The following TENM2 variants were observed in gnomAD, a reference collection of about 807,000 sequenced individuals.
The protein encoded by TENM2 is teneurin-2.
TENM2 carries 52 observed loss-of-function variants against 245.2 expected under a neutral mutation model. The ratio of observed to expected loss-of-function variants is 0.21; its 90% confidence interval spans 0.17 to 0.27. TENM2 has a LOEUF of 0.27. Ranked by LOEUF, TENM2 falls within the 10% of genes least tolerant of loss-of-function variation. TENM2 has a pLI of 1.00. For synonymous variants in TENM2, 1,363 were observed against 1,438.9 expected (o/e 0.95, Z 1.19); for missense variants, 3,046 against 3,666.8 (o/e 0.83, Z 4.37).
chr5:167,706,086 A>T (rs1220827607), intron 2 of TENM2, among the ~76,000 whole-genome samples: 1 of 145,434 alleles, frequency 6.9e-6, no homozygotes, highest in South Asian at 2.1e-4. Flanking sequence ...CAGTGTGTGT[A>T]TATATATAAT....
At chr5:168,039,917 C>T (rs976081093) in intron 5 of TENM2, among the ~76,000 whole-genome samples, 1 of 152,012 alleles carries the variant, frequency 6.6e-6, no homozygotes, top group Admixed American at 6.6e-5. Context: ...CGCTGCCAGT[C>T]GGGGAGCCCC....
At chr5:167,425,772 G>A (rs1211628970) in intron 2 of TENM2, among the ~76,000 whole-genome samples, 2 of 152,296 alleles carry the variant, frequency 1.3e-5, no homozygotes, top group Non-Finnish European at 2.9e-5. Flanking sequence ...TGATGATGAT[G>A]ATGATGGTGA....
At chr5:167,236,181 G>T in the TENM2 span, among the ~76,000 whole-genome samples, 1 of 152,078 alleles carries the variant, frequency 6.6e-6, no homozygotes, top group East Asian at 1.9e-4. Flanking sequence ...GTCTAAATGA[G>T]CCATGGGAGC....
the TENM2 span, among the ~76,000 whole-genome samples, chr5:167,265,701 T>C: frequency 1.6e-3 from 239 of 152,276 alleles, no homozygotes; most frequent in African/African-American, 5.1e-3. Context: ...TGTCTTCTTA[T>C]GCTGCAAACT....
chr5:167,637,253 T>C (rs373225103), intron 2 of TENM2, among the ~76,000 whole-genome samples: 100 of 152,312 alleles, frequency 6.6e-4, no homozygotes, highest in African/African-American at 2.3e-3. Flanking sequence ...AAGAGAATTA[T>C]TTACATATTA....
At chr5:167,957,266 A>T (rs1780633936) in intron 4 of TENM2, among the ~76,000 whole-genome samples, 2 of 151,956 alleles carry the variant, frequency 1.3e-5, no homozygotes, top group Admixed American at 6.6e-5. Context: ...TTGCATAGAG[A>T]TGTTTATAGT....
chr5:168,135,636 T>C (rs1010961555), intron 12 of TENM2, among the ~76,000 whole-genome samples: 12 of 152,160 alleles, frequency 7.9e-5, no homozygotes, highest in Non-Finnish European at 1.8e-4. Flanking sequence ...AATTTAAGTA[T>C]TTCATCATAA....
chr5:168,107,557 G>A (rs13159622), intron 9 of TENM2, among the ~76,000 whole-genome samples: 10 of 64,872 alleles, frequency 1.5e-4, no homozygotes, highest in African/African-American at 5.3e-4. Context: ...AAGCCTCCTG[G>A]GGGGGGGGTC....
intron 4 of TENM2, among the ~76,000 whole-genome samples, chr5:167,977,606 A>G (rs1435324016): frequency 6.6e-6 from 1 of 152,166 alleles, no homozygotes; most frequent in Non-Finnish European, 1.5e-5. Flanking sequence ...TCTTTCTACT[A>G]CTGCTGCCAC....
At chr5:168,211,660 G>A (rs1187416512) in intron 19 of TENM2, 74 bp from the exon 22 acceptor site, 13 of 1,000,296 alleles carry the variant, frequency 1.3e-5, no homozygotes, top group Non-Finnish European at 1.8e-5. Context: ...AAACAAAAAT[G>A]TTATGTTTGC....
intron 2 of TENM2, among the ~76,000 whole-genome samples, chr5:167,737,664 C>T (rs1760895012): frequency 6.6e-6 from 1 of 152,144 alleles, no homozygotes; most frequent in Admixed American, 6.5e-5. Flanking sequence ...CAAGGCTCTA[C>T]ATAATTAAGA....
chr5:167,974,091 G>A (rs867983213), intron 4 of TENM2, among the ~76,000 whole-genome samples: 2 of 6,148 alleles, frequency 3.3e-4, no homozygotes, highest in African/African-American at 8.1e-4. Flanking sequence ...GGAAGGAAGG[G>A]AAGGAAGGAA....
At chr5:167,992,462 G>A (rs1783738705) in intron 4 of TENM2, among the ~76,000 whole-genome samples, 1 of 152,154 alleles carries the variant, frequency 6.6e-6, no homozygotes, top group South Asian at 2.1e-4. Context: ...TTTCATGGTT[G>A]CATAATATTC....
chr5:167,952,864 C>T, intron 4 of TENM2, 42 bp downstream of exon 6: 2 of 1,497,126 alleles, frequency 1.3e-6, no homozygotes, highest in Non-Finnish European at 9.1e-7. Flanking sequence ...TCAGTGTCAC[C>T]TTACCCCTGA....
rs753863006 is a variant in TENM2 at position 167,875,961 on chromosome 5, T to C, written c.503-25T>C. 9 of 1,530,010 alleles carry C rather than the reference T, an allele frequency of 5.9e-6. No homozygotes were observed. The African/African-American group carries it at 6.9e-5, about 12-fold the overall frequency. 94.8% of individuals were successfully genotyped at this position (1,530,010 alleles called of 1,614,324 possible). A position where few individuals can be genotyped will look rare whatever the true frequency, so the allele number is the denominator to read the frequency against. ...CTCTCGTGACACTCATTGCTGACCT[T>C]TGACCCCTCTGTCCTCTTTCCCAGG... On this transcript the variant is annotated intron_variant, in intron 2 of 28. Coordinates refer to ENST00000518659, the Ensembl canonical transcript of TENM2.
At chr5:167,523,989 G>C (rs991079029) in intron 2 of TENM2, among the ~76,000 whole-genome samples, 1 of 152,078 alleles carries the variant, frequency 6.6e-6, no homozygotes, top group East Asian at 1.9e-4. Context: ...GGAGATAATG[G>C]TACCCCAGGT....
intron 2 of TENM2, among the ~76,000 whole-genome samples, chr5:167,635,737 C>T (rs1035805056): frequency 1.3e-5 from 2 of 149,710 alleles, no homozygotes. Flanking sequence ...CTCCGCCTCC[C>T]GGGTTCACGC....
chr5:167,694,085 A>C (rs2150413399), intron 2 of TENM2, among the ~76,000 whole-genome samples: 1 of 152,272 alleles, frequency 6.6e-6, no homozygotes, highest in East Asian at 1.9e-4. Context: ...ATTATCAGAA[A>C]TGTACAAAAA....
At chr5:167,629,290 G>T (rs59710284) in intron 2 of TENM2, among the ~76,000 whole-genome samples, 2,623 of 152,136 alleles carry the variant, frequency 0.017, 35 homozygotes, top group African/African-American at 0.042. Context: ...TACATGCCTC[G>T]GTTTTCTTTT....
Sources: gnomAD v4.1 joint callset for allele counts (sites outside exome capture counted in the v4.1 genomes callset) on GRCh38, gnomAD v4.1.1 for gene constraint, MANE v1.5 for transcripts, NCBI Gene and HGNC (gene_info 2026-07-23, HGNC 2026-07-21) for gene names.